PAMR1: variants seen among roughly 807,000 people sequenced by gnomAD.
PAMR1 encodes inactive serine protease PAMR1.
In PAMR1, 88 loss-of-function variants were observed where a neutral mutation model predicts 81.8. The observed-to-expected ratio is 1.08, with a 90% CI of 0.91 to 1.28. The LOEUF (loss-of-function observed/expected upper bound fraction) is 1.28. Ranked by LOEUF, PAMR1 falls within the 50% of genes most tolerant of loss-of-function variation. The pLI, the probability that PAMR1 is intolerant of heterozygous loss-of-function variation, is 0.00. For synonymous variants in PAMR1, 336 were observed against 345.3 expected (o/e 0.97, Z 0.30); for missense variants, 935 against 919.7 (o/e 1.02, Z -0.21).
chr11:35,432,776 G>A lies in PAMR1; in HGVS notation c.1743C>T (p.Leu581=), dbSNP rs139109171. 467 of 1,612,590 alleles carry A rather than the reference G, an allele frequency of 2.9e-4. 1 individual carries two copies. The highest frequency in any genetic ancestry group is 1.5e-3 in the South Asian group (138 of 91,084). ...RISTRVQPIC[L]AASRDLSTSF... ...AAGTGCTGAGATCCCGACTGGCAGC[G>A]AGGCAGATGGGCTGGACTCGGGTGC... is the stretch of plus-strand genomic sequence containing the variant. The change falls in exon 11 of 11, where the codon CTC becomes CTT. Residue 581 remains leucine (L), a synonymous_variant. Transcript: ENST00000619888.
chr11:35,514,302 G>A (rs914879751), intron 1 of PAMR1, among the ~76,000 whole-genome samples: 1 of 152,206 alleles, frequency 6.6e-6, no homozygotes, highest in Non-Finnish European at 1.5e-5. Flanking sequence ...GCAAGGGAAC[G>A]AAGGAGGCGA....
chr11:35,498,954 T>C (rs1255811346), intron 1 of PAMR1, among the ~76,000 whole-genome samples: 4 of 152,214 alleles, frequency 2.6e-5, no homozygotes, highest in African/African-American at 9.6e-5. Flanking sequence ...CGTTTTCTGT[T>C]CTCATTTACC....
intron 9 of PAMR1, among the ~76,000 whole-genome samples, chr11:35,435,536 C>T (rs1856022189): frequency 6.6e-6 from 1 of 152,102 alleles, no homozygotes; most frequent in Admixed American, 6.5e-5. Flanking sequence ...ATAACAAGTA[C>T]CTAATTAGTA....
At chr11:35,503,047 T>C (rs1201666094) in intron 1 of PAMR1, among the ~76,000 whole-genome samples, 1 of 152,230 alleles carries the variant, frequency 6.6e-6, no homozygotes, top group East Asian at 1.9e-4. Context: ...TTCATACTTC[T>C]GCATATACAT....
chr11:35,475,001 G>A (rs1422839217), intron 3 of PAMR1, among the ~76,000 whole-genome samples: 2 of 152,222 alleles, frequency 1.3e-5, no homozygotes, highest in African/African-American at 4.8e-5. Flanking sequence ...AAAACAGATA[G>A]ATGATCAGAG....
intron 6 of PAMR1, among the ~76,000 whole-genome samples, chr11:35,446,000 C>A (rs143318177): frequency 6.6e-6 from 1 of 152,240 alleles, no homozygotes; most frequent in East Asian, 1.9e-4. Context: ...ATTACTACCT[C>A]GATTTCAGAA....
chr11:35,438,428 CAG>C (rs1856097640), intron 8 of PAMR1, among the ~76,000 whole-genome samples: 1 of 152,154 alleles, frequency 6.6e-6, no homozygotes, highest in Non-Finnish European at 1.5e-5. Flanking sequence ...AAACAATCCC[CAG>C]AGACAGATTG....
chr11:35,442,245 CA>C (rs1856185908), intron 6 of PAMR1, among the ~76,000 whole-genome samples: 1 of 152,120 alleles, frequency 6.6e-6, no homozygotes, highest in Non-Finnish European at 1.5e-5. Flanking sequence ...TACTACAGAA[CA>C]ATATAATTGT....
At chr11:35,507,198 C>T (rs1056818405) in intron 1 of PAMR1, among the ~76,000 whole-genome samples, 2 of 151,946 alleles carry the variant, frequency 1.3e-5, no homozygotes, top group Non-Finnish European at 2.9e-5. Context: ...TCGGCATGCA[C>T]CACCAAGCCC....
intron 6 of PAMR1, among the ~76,000 whole-genome samples, chr11:35,448,467 T>C (rs1376025107): frequency 2.0e-5 from 3 of 152,250 alleles, no homozygotes; most frequent in African/African-American, 7.2e-5. Flanking sequence ...GAAGTTCTTA[T>C]GCTGTGTTTT....
intron 1 of PAMR1, among the ~76,000 whole-genome samples, chr11:35,525,057 A>C (rs190030470): frequency 8.6e-5 from 13 of 151,798 alleles, no homozygotes; most frequent in Admixed American, 3.3e-4. Context: ...CACCAGAAGA[A>C]CACCAAGCAA....
At chr11:35,464,014 T>A (rs879802594) in intron 6 of PAMR1, among the ~76,000 whole-genome samples, 1 of 152,242 alleles carries the variant, frequency 6.6e-6, no homozygotes, top group Non-Finnish European at 1.5e-5. Flanking sequence ...CAGGTGTTGA[T>A]AATGAATGGC....
intron 1 of PAMR1, among the ~76,000 whole-genome samples, chr11:35,506,615 G>A (rs1343712323): frequency 6.6e-6 from 1 of 151,146 alleles, no homozygotes; most frequent in Non-Finnish European, 1.5e-5. Context: ...TCAGCACTTT[G>A]AACATGTTGT....
chr11:35,467,968 AC>A, intron 6 of PAMR1, 32 bp downstream of exon 6: 1 of 1,340,278 alleles, frequency 7.5e-7, no homozygotes, highest in Non-Finnish European at 1.0e-6. Context: ...GCCCCATCTG[AC>A]ACCTTAACTC....
At chr11:35,523,414 C>T (rs904566984) in intron 1 of PAMR1, among the ~76,000 whole-genome samples, 3 of 152,220 alleles carry the variant, frequency 2.0e-5, no homozygotes, top group African/African-American at 7.2e-5. Flanking sequence ...GGCAGAATCA[C>T]ACTGGCAGAG....
intron 9 of PAMR1, 96 bp from the exon 10 acceptor site, chr11:35,434,900 G>A (rs1856003015): frequency 2.5e-6 from 3 of 1,220,022 alleles, no homozygotes; most frequent in African/African-American, 1.5e-5. Flanking sequence ...CTGGAAAGGT[G>A]AACTGTATGG....
upstream of PAMR1, among the ~76,000 whole-genome samples, chr11:35,526,544 T>C (rs763518180): frequency 1.3e-5 from 2 of 152,192 alleles, no homozygotes; most frequent in Non-Finnish European, 2.9e-5. Context: ...ATTAACTCAA[T>C]TATTCCTCAC....
At position 35,436,037 on chromosome 11, in the gene PAMR1, G is replaced by T. The variant is rs1856036482; in HGVS notation, c.1199C>A (p.Pro400His). The T allele has an allele frequency of 6.2e-7, 1 of 1,613,928 alleles. No individual in the cohort carries two copies. Among genetic ancestry groups the T allele is most frequent in the South Asian group, 1.1e-5 (1 of 91,076 alleles). Residue 400 changes from proline (P) to histidine (H), a missense_variant, in exon 9 of 11, where the codon CCC becomes CAC. Transcript: ENST00000619888. ...GGTATGCAGATGTTGGTATCCCATG[G>T]GCAGATCTCCAAAGGGAAGGGCTGG... ...KKPALPFGDL[P>H]MGYQHLHTQL...
At chr11:35,444,465 T>G (rs906394515) in intron 6 of PAMR1, among the ~76,000 whole-genome samples, 1 of 152,246 alleles carries the variant, frequency 6.6e-6, no homozygotes, top group Non-Finnish European at 1.5e-5. Flanking sequence ...CTAGGCTTTT[T>G]ATAGTTTTGG....
Sources: allele counts gnomAD v4.1 joint callset (sites outside exome capture counted in the v4.1 genomes callset), GRCh38; gene constraint gnomAD v4.1.1; transcripts MANE v1.5; gene names NCBI Gene and HGNC (gene_info 2026-07-23, HGNC 2026-07-21).